The following SPEN variants were observed in gnomAD, a reference collection of about 807,000 sequenced individuals.
SPEN encodes the protein msx2-interacting protein.
In SPEN, 18 loss-of-function variants were observed where a neutral mutation model predicts 269.9. The ratio of observed to expected loss-of-function variants is 0.07; its 90% CI spans 0.05 to 0.10. The LOEUF (loss-of-function observed/expected upper bound fraction) is 0.10. Ranked by LOEUF, SPEN falls within the 10% of genes least tolerant of loss-of-function variation. The pLI is 1.00. For synonymous variants in SPEN, 1,726 were observed against 1,765.7 expected (o/e 0.98, Z 0.56); for missense variants, 3,822 against 4,631.2 (o/e 0.83, Z 5.07).
rs1427847419 is a variant in SPEN, at chr1:15,931,166, C to T, written c.4926C>T (p.Val1642=). ...CACCTTCCGTTGGGCCTCCAAGTGTCACAGTCGTAACTCTAGAATCAGCCC... is the reference window on the plus strand; with the variant it reads ...CACCTTCCGTTGGGCCTCCAAGTGTTACAGTCGTAACTCTAGAATCAGCCC... ...KTPPSVGPPS[V]TVVTLESAPS... is the part of the protein sequence containing the mutation. Residue 1642 remains valine (V), a synonymous_variant, in exon 11 of 15, where the codon GTC becomes GTT. Transcript: ENST00000375759. The surrounding 1 kb of genome is among the most constrained non-coding windows in gnomAD (Gnocchi z 4.8). 6.2e-7 allele frequency: 1 copy of T among 1,614,108 alleles called. No individual in the cohort carries two copies. Among genetic ancestry groups the T allele is most frequent in the Admixed American group, 1.7e-5 (1 of 60,002 alleles).
At chr1:15,850,213 C>A (rs773201176) in intron 1 of SPEN, among the ~76,000 whole-genome samples, 10 of 152,096 alleles carry the variant, frequency 6.6e-5, no homozygotes, top group Non-Finnish European at 1.3e-4. Flanking sequence ...AGGATTCGAG[C>A]TGCCTTGGAA....
intron 1 of SPEN, among the ~76,000 whole-genome samples, chr1:15,863,221 C>T (rs748461431): frequency 1.3e-5 from 2 of 152,056 alleles, no homozygotes; most frequent in Non-Finnish European, 2.9e-5. Flanking sequence ...TGGACTCCAG[C>T]CTGGGTGACA....
intron 4 of SPEN, among the ~76,000 whole-genome samples, chr1:15,910,546 A>G (rs2071002597): frequency 6.6e-6 from 1 of 152,058 alleles, no homozygotes; most frequent in African/African-American, 2.4e-5. Context: ...CTCCCCTTAT[A>G]TAATATCCAA....
chr1:15,859,358 C>CTTTTTTTTTTTTTTTTTTTTTTTT, intron 1 of SPEN, among the ~76,000 whole-genome samples: 1 of 115,592 alleles, frequency 8.7e-6, no homozygotes, highest in Non-Finnish European at 1.7e-5. Flanking sequence ...TTTTTCTTTT[C>CTTTTTTTTTTTTTTTTTTTTTTTT]TTTTTTTTTT....
At chr1:15,873,178 T>C (rs758739119) in intron 2 of SPEN, 42 bp downstream of exon 2, 2 of 1,546,262 alleles carry the variant, frequency 1.3e-6, no homozygotes, top group Non-Finnish European at 1.8e-6. Context: ...TTGTATTTGA[T>C]ATGGTGAGAA....
At chr1:15,899,285 C>T (rs1314478202) in intron 3 of SPEN, among the ~76,000 whole-genome samples, 1 of 152,172 alleles carries the variant, frequency 6.6e-6, no homozygotes, top group East Asian at 1.9e-4. Flanking sequence ...ATCTTCCTGA[C>T]TCAGCACCCC....
intron 3 of SPEN, among the ~76,000 whole-genome samples, chr1:15,905,823 T>C (rs1287161512): frequency 1.3e-5 from 2 of 152,166 alleles, no homozygotes; most frequent in Non-Finnish European, 2.9e-5. Flanking sequence ...TCTGCCTGCC[T>C]CAGCCTCCCA....
chr1:15,922,470 AT>A, intron 10 of SPEN, 121 bp downstream of exon 10: 3 of 638,834 alleles, frequency 4.7e-6, no homozygotes, highest in Non-Finnish European at 7.8e-6. Context: ...AGAATAGAGA[AT>A]GCTTCTCTTT....
rs1273419720 is a variant in SPEN, at chr1:15,848,610, TTC to T, written c.83+461_83+462del. On this transcript the variant is annotated intron_variant, in intron 1 of 14. Coordinates refer to ENST00000375759, the MANE Select transcript of SPEN (RefSeq NM_015001.3). The surrounding 1 kb of genome is among the most constrained non-coding windows in gnomAD (Gnocchi z 5.1). ...CTGCGGGCGCTCGGCAATGTCTGAC[TTC>T]GGGAGGGTTCCGTGCGAAGGGAAAG... Among the ~76,000 whole-genome samples the T allele has an allele frequency of 2.4e-5, 2 of 83,008 alleles. No homozygotes were observed. The highest frequency in any genetic ancestry group is 7.2e-3 in the Middle Eastern group (1 of 138). The allele number at this position is 83,008 out of a possible 152,430, so 54.5% of individuals were successfully genotyped here.
chr1:15,933,414 T>G lies in SPEN; in HGVS notation c.7174T>G (p.Ser2392Ala). Residue 2392 changes from serine to alanine, a missense_variant, in exon 11 of 15, where the codon TCC (serine) becomes GCC (alanine). Ser to Ala is a moderately conservative substitution (Grantham distance 99). This residue lies in a region of SPEN where 727 missense variants were observed against 737.9 expected (regional missense o/e 0.99). Coordinates refer to ENST00000375759, the MANE Select transcript of SPEN (RefSeq NM_015001.3). This position sits in a 1 kb window ranked among gnomAD's most constrained non-coding sequence, Gnocchi z 5.7. ...QEEKQSEKPH[S>A]TPPQSCTSDL... is the part of the protein sequence containing the mutation. Reference sequence around the variant, plus strand: ...AGAAAAGCAGAGTGAGAAACCCCATTCCACTCCTCCTCAGTCATGTACTTC... The same window carrying G: ...AGAAAAGCAGAGTGAGAAACCCCATGCCACTCCTCCTCAGTCATGTACTTC... 1 of 1,613,896 alleles carries G rather than the reference T, an allele frequency of 6.2e-7. No individual in the cohort carries two copies. The highest frequency in any genetic ancestry group is 8.5e-7 in the Non-Finnish European group (1 of 1,179,972).
At chr1:15,883,629 G>A (rs919467488) in intron 3 of SPEN, among the ~76,000 whole-genome samples, 4 of 151,626 alleles carry the variant, frequency 2.6e-5, no homozygotes, top group South Asian at 2.1e-4. Flanking sequence ...CACTGTGCCC[G>A]GCCTAAAACA....
chr1:15,853,739 G>A (rs1192954255), intron 1 of SPEN, among the ~76,000 whole-genome samples: 1 of 151,908 alleles, frequency 6.6e-6, no homozygotes, highest in Non-Finnish European at 1.5e-5. Context: ...CATGGTCTCA[G>A]CTCACTGCAA....
chr1:15,917,016 T>C (rs2071073112), intron 6 of SPEN, among the ~76,000 whole-genome samples: 1 of 152,124 alleles, frequency 6.6e-6, no homozygotes, highest in Admixed American at 6.5e-5. Context: ...TAGTCCCAGC[T>C]ACTCAGGCGG....
Position 15,932,677 on chromosome 1 carries a change from A to G in SPEN, c.6437A>G (p.Lys2146Arg). The G allele has an allele frequency of 6.2e-7, 1 of 1,614,104 alleles. No individual in the cohort carries two copies. Among genetic ancestry groups the G allele is most frequent in the East Asian group, 2.2e-5 (1 of 44,866 alleles). ...AAAAGTGATCCAGTTGATCCAGACA[A>G]GGAACCAGAGAAAGAAGACGTGTCT... Reference protein sequence around the residue: ...QLKSDPVDPDKEPEKEDVSAS... With the variant: ...QLKSDPVDPDREPEKEDVSAS... The change falls in exon 11 of 15, where the codon AAG becomes AGG. Residue 2146 changes from lysine to arginine, a missense_variant. By Grantham distance (26) the Lys-to-Arg change is conservative. Coordinates refer to ENST00000375759, the MANE Select transcript of SPEN (RefSeq NM_015001.3). This position sits in a 1 kb window ranked among gnomAD's most constrained non-coding sequence, Gnocchi z 4.2.
In SPEN at chr1:15,937,043, GACTTA is replaced by G; in HGVS notation, c.10027-117_10027-113del. On this transcript the variant is annotated intron_variant, in intron 11 of 14. Transcript: ENST00000375759. This position sits in a 1 kb window ranked among gnomAD's most constrained non-coding sequence, Gnocchi z 5.7. ...TGATTCAGGCTCCTTCTGTGGGCCT[GACTTA>G]ACGGGAGATGCCACATCTTATCCTT... is the stretch of plus-strand genomic sequence containing the variant. 1 of 1,435,536 alleles carries G rather than the reference GACTTA, an allele frequency of 7.0e-7. No homozygotes were observed. The highest frequency in any genetic ancestry group is 1.4e-5 in the South Asian group (1 of 73,504). The allele number at this position is 1,435,536 out of a possible 1,614,324, so 88.9% of individuals were successfully genotyped here. A position where few individuals can be genotyped will look rare whatever the true frequency, so the allele number is the denominator to read the frequency against.
Position 15,937,622 on chromosome 1 carries a change from G to A in SPEN, c.10486G>A (p.Val3496Met), listed in dbSNP as rs201329184. The A allele has an allele frequency of 1.4e-5, 23 of 1,613,480 alleles. No homozygotes were observed. The Admixed American group carries it at 2.0e-4, about 14-fold the overall frequency. Residue 3496 changes from valine to methionine, a missense_variant, in exon 12 of 15, where the codon GTG becomes ATG. This residue lies in a region of SPEN where 359 missense variants were observed against 377.3 expected (regional missense o/e 0.95). Transcript: ENST00000375759. This position sits in a 1 kb window ranked among gnomAD's most constrained non-coding sequence, Gnocchi z 5.7. ...SSPHLTSQRP[V>M]DMVQLLKKYP... ...TCCACACCTGACTTCCCAGAGACCC[G>A]TGGATATGGTTCAACTTCTGAAGGT...
intron 5 of SPEN, 34 bp downstream of exon 5, chr1:15,911,335 A>G (rs1232890390): frequency 6.4e-7 from 1 of 1,564,442 alleles, no homozygotes; most frequent in African/African-American, 1.4e-5. Context: ...TGAGTTACTC[A>G]TCACACACAC....
intron 9 of SPEN, 137 bp from the exon 10 acceptor site, chr1:15,922,112 T>C: frequency 1.6e-6 from 1 of 640,394 alleles, no homozygotes; most frequent in Non-Finnish European, 2.7e-6. Flanking sequence ...TGATGAGGAC[T>C]GTTTTACTTG....
chr1:15,928,872 G>T lies in SPEN; in HGVS notation c.2632G>T (p.Val878Leu). 1 of 1,614,178 alleles carries T rather than the reference G, an allele frequency of 6.2e-7. No homozygotes were observed. The change falls in exon 11 of 15, where the codon GTG (valine) becomes TTG (leucine). Residue 878 changes from valine to leucine, a missense_variant. By Grantham distance (32) the Val-to-Leu change is conservative. Coordinates refer to ENST00000375759, the MANE Select transcript of SPEN (RefSeq NM_015001.3). This position sits in a 1 kb window ranked among gnomAD's most constrained non-coding sequence, Gnocchi z 5.7. ...AAACCGCCTGGAACTCATGCCTTGCGTGGTTTTGACTCGAGTGAAAGAGAA... is the reference window on the plus strand; with the variant it reads ...AAACCGCCTGGAACTCATGCCTTGCTTGGTTTTGACTCGAGTGAAAGAGAA... Reference protein sequence around the residue: ...AKNRLELMPCVVLTRVKEKEG... With the variant: ...AKNRLELMPCLVLTRVKEKEG...
Sources: allele counts gnomAD v4.1 joint callset (sites outside exome capture counted in the v4.1 genomes callset), GRCh38; gene constraint gnomAD v4.1.1; regional missense constraint gnomAD v4.1.1; non-coding constraint Gnocchi (gnomAD v3.1); transcripts MANE v1.5; gene names NCBI Gene and HGNC (gene_info 2026-07-23, HGNC 2026-07-21).